GALNTL6: variants seen among roughly 807,000 people sequenced by gnomAD.
The protein encoded by GALNTL6 is polypeptide N-acetylgalactosaminyltransferase-like 6.
In GALNTL6, 46 loss-of-function variants were observed where a neutral mutation model predicts 73.7. The ratio of observed to expected loss-of-function variants is 0.62; its 90% CI spans 0.49 to 0.80. The LOEUF (loss-of-function observed/expected upper bound fraction) is 0.80. Among genes scored for constraint, GALNTL6 ranks in the 30% least tolerant of loss-of-function variants. The probability of loss-of-function intolerance (pLI) is 0.00; values close to 1 mark genes in which losing one functional copy is unlikely to be tolerated. For synonymous variants in GALNTL6, 259 were observed against 263.7 expected (o/e 0.98, Z 0.17); for missense variants, 604 against 755.0 (o/e 0.80, Z 2.34).
chr4:172,746,799 G>T (rs7653931), intron 5 of GALNTL6, among the ~76,000 whole-genome samples: 1 of 151,924 alleles, frequency 6.6e-6, no homozygotes, highest in Admixed American at 6.6e-5. Context: ...AGACAAGAAC[G>T]CCCATTTTCA....
At chr4:172,687,420 A>C (rs1732985153) in intron 5 of GALNTL6, among the ~76,000 whole-genome samples, 1 of 151,846 alleles carries the variant, frequency 6.6e-6, no homozygotes, top group Admixed American at 6.6e-5. Context: ...ACCAGGTCAG[A>C]AGTTCAAGAC....
chr4:171,999,612 C>T (rs1179875376), intron 2 of GALNTL6, among the ~76,000 whole-genome samples: 1 of 152,096 alleles, frequency 6.6e-6, no homozygotes, highest in South Asian at 2.1e-4. Flanking sequence ...GCCTTGAAAA[C>T]ATCTAAAATG....
At position 171,993,199 on chromosome 4, in the gene GALNTL6, GTA is replaced by G. The variant is rs34494696; in HGVS notation, c.138+178488_138+178489del. Among the ~76,000 whole-genome samples, 15 of 151,542 alleles carry G rather than the reference GTA, an allele frequency of 9.9e-5. No individual in the cohort carries two copies. In the South Asian group the frequency reaches 3.1e-3, roughly 31 times the overall value. ...TATAAGATGATGAGAGTCAGAATAA[GTA>G]TATATAAGAGAAAAATAGTTCATAT... On this transcript the variant is annotated intron_variant, in intron 2 of 12. Coordinates refer to ENST00000506823, the MANE Select transcript of GALNTL6 (RefSeq NM_001034845.3).
Position 172,236,722 on chromosome 4 carries a change from ATTTTG to A in GALNTL6, c.247+6963_247+6967del, listed in dbSNP as rs561377747. ...TTTTAGATATCAGTTATTTTATTTTATTTTGTTTTACTTTTAATTTTAGGTATACA... is the reference window on the plus strand; with the variant it reads ...TTTTAGATATCAGTTATTTTATTTTATTTTACTTTTAATTTTAGGTATACA... On this transcript the variant is annotated intron_variant, in intron 3 of 12. Transcript: ENST00000506823. 4.3e-3 allele frequency among the ~76,000 whole-genome samples: 655 copies of A among 151,052 alleles called. 7 individuals carry two copies. Among genetic ancestry groups the A allele is most frequent in the African/African-American group, 0.015 (628 of 41,126 alleles).
intron 5 of GALNTL6, among the ~76,000 whole-genome samples, chr4:172,383,108 C>A (rs190860966): frequency 6.6e-6 from 1 of 152,098 alleles, no homozygotes; most frequent in Non-Finnish European, 1.5e-5. Flanking sequence ...TTTGACTATT[C>A]TGGAGCCATT....
chr4:172,257,882 GAT>G (rs1299170766), intron 3 of GALNTL6, among the ~76,000 whole-genome samples: 1 of 151,128 alleles, frequency 6.6e-6, no homozygotes, highest in African/African-American at 2.4e-5. Context: ...TTCCTAATAA[GAT>G]CATGCCTAAC....
chr4:172,404,931 A>C (rs980753734), intron 5 of GALNTL6, among the ~76,000 whole-genome samples: 1 of 152,006 alleles, frequency 6.6e-6, no homozygotes, highest in Non-Finnish European at 1.5e-5. Flanking sequence ...CCATTGTGAC[A>C]ATGGCTCATT....
chr4:172,678,831 C>T (rs564305222), intron 5 of GALNTL6, among the ~76,000 whole-genome samples: 17 of 152,228 alleles, frequency 1.1e-4, no homozygotes, highest in African/African-American at 4.1e-4. Context: ...AATATATTCT[C>T]CCACCAATGT....
intron 3 of GALNTL6, among the ~76,000 whole-genome samples, chr4:172,251,068 A>G (rs1205209789): frequency 6.6e-6 from 1 of 152,152 alleles, no homozygotes; most frequent in Non-Finnish European, 1.5e-5. Flanking sequence ...CAGGATGTGT[A>G]TATATGTATA....
intron 5 of GALNTL6, among the ~76,000 whole-genome samples, chr4:172,686,608 A>T (rs1487909080): frequency 6.6e-6 from 1 of 152,230 alleles, no homozygotes; most frequent in Non-Finnish European, 1.5e-5. Flanking sequence ...ACTATAGAAA[A>T]AGAAAGTTTA....
chr4:172,059,379 C>G (rs974663634), intron 2 of GALNTL6, among the ~76,000 whole-genome samples: 2 of 152,004 alleles, frequency 1.3e-5, no homozygotes, highest in Non-Finnish European at 2.9e-5. Flanking sequence ...TTCTATCTGC[C>G]GAGGGCTATG....
Position 172,086,344 on chromosome 4 carries a change from C to T in GALNTL6, c.139-143312C>T, listed in dbSNP as rs531689454. On this transcript the variant is annotated intron_variant, in intron 2 of 12. Coordinates refer to ENST00000506823, the MANE Select transcript of GALNTL6 (RefSeq NM_001034845.3). ...AAGCATTAGTTTTCTAGTTATTTCA[C>T]TAACTTCCTCTATGATCAAAAATAA... Among the ~76,000 whole-genome samples, 14 of 152,152 alleles carry T rather than the reference C, an allele frequency of 9.2e-5. No individual in the cohort carries two copies. In the South Asian group the frequency reaches 1.7e-3, roughly 18 times the overall value.
intron 6 of GALNTL6, among the ~76,000 whole-genome samples, chr4:172,811,577 A>G (rs1057170499): frequency 2.0e-5 from 3 of 152,196 alleles, no homozygotes; most frequent in Non-Finnish European, 4.4e-5. Flanking sequence ...TAGAAATACC[A>G]TTCAGTAAAA....
rs1342043602 is a variant in GALNTL6, at chr4:172,071,076, C to T, written c.139-158580C>T. ...GAAGTAAGAGTCAGATCTGATGTAG[C>T]GAGGTGAAGACTGACTAATGAAGGT... On this transcript the variant is annotated intron_variant, in intron 2 of 12. Coordinates refer to ENST00000506823, the MANE Select transcript of GALNTL6 (RefSeq NM_001034845.3). Among the ~76,000 whole-genome samples, 5 of 108,420 alleles carry T rather than the reference C, an allele frequency of 4.6e-5. 2 individuals carry two copies. Among genetic ancestry groups the T allele is most frequent in the Non-Finnish European group, 8.2e-5 (4 of 49,058 alleles). 71.1% of individuals were successfully genotyped at this position (108,420 alleles called of 152,430 possible).
chr4:172,513,167 G>A (rs556452832), intron 5 of GALNTL6, among the ~76,000 whole-genome samples: 12 of 151,734 alleles, frequency 7.9e-5, no homozygotes, highest in Admixed American at 3.9e-4. Context: ...TTCTTTCTTT[G>A]TCTTTGTCAG....
intron 5 of GALNTL6, among the ~76,000 whole-genome samples, chr4:172,558,079 G>T (rs1463211685): frequency 1.3e-5 from 2 of 152,200 alleles, no homozygotes; most frequent in South Asian, 2.1e-4. Flanking sequence ...ATAATGGAAT[G>T]ATGATATATC....
chr4:172,156,542 T>TATATATATATATATATATATATACATA (rs1734278067), intron 2 of GALNTL6, among the ~76,000 whole-genome samples: 2 of 16,046 alleles, frequency 1.2e-4, no homozygotes, highest in Admixed American at 5.4e-4. Flanking sequence ...ATATATATAA[T>TATATATATATATATATATATATACATA]ATATATATAT....
chr4:172,495,578 C>G (rs1247552215), intron 5 of GALNTL6, among the ~76,000 whole-genome samples: 1 of 152,144 alleles, frequency 6.6e-6, no homozygotes, highest in African/African-American at 2.4e-5. Context: ...TGTGATTGGT[C>G]CAGCACTCTA....
intron 5 of GALNTL6, among the ~76,000 whole-genome samples, chr4:172,358,063 A>G (rs970791310): frequency 6.6e-6 from 1 of 152,146 alleles, no homozygotes; most frequent in Admixed American, 6.5e-5. Flanking sequence ...TTGTCCATTT[A>G]TCTGTCTATT....
Sources: gnomAD v4.1 joint callset for allele counts (sites outside exome capture counted in the v4.1 genomes callset) on GRCh38, gnomAD v4.1.1 for gene constraint, MANE v1.5 for transcripts, NCBI Gene and HGNC (gene_info 2026-07-23, HGNC 2026-07-21) for gene names.